GAS2: variants seen among roughly 807,000 people sequenced by gnomAD.
GAS2 encodes growth arrest-specific protein 2.
Under a neutral mutation model 37.5 loss-of-function variants are expected in GAS2, and 20 were observed. The observed-to-expected ratio is 0.53, with a 90% confidence interval of 0.37 to 0.77. The LOEUF is 0.77. Among genes scored for constraint, GAS2 ranks in the 30% least tolerant of loss-of-function variants. The pLI is 0.00. For missense variants in GAS2, 336 were observed against 373.4 expected, an observed-to-expected ratio of 0.90 and a Z score of 0.82; for synonymous variants, 144 against 132.2, an observed-to-expected ratio of 1.09 and a Z score of -0.61.
At chr11:22,808,890 T>C (rs1375313036) in intron 7 of GAS2, among the ~76,000 whole-genome samples, 3 of 152,232 alleles carry the variant, frequency 2.0e-5, no homozygotes, top group Admixed American at 2.0e-4. Context: ...CTTGTGGGAA[T>C]ATGAATATGT....
intron 3 of GAS2, among the ~76,000 whole-genome samples, chr11:22,725,808 C>T (rs1852178177): frequency 6.6e-6 from 1 of 152,102 alleles, no homozygotes. Context: ...TTCTGCTGCT[C>T]TCTTTTGACT....
intron 1 of GAS2, among the ~76,000 whole-genome samples, chr11:22,652,671 G>A (rs1041493109): frequency 2.0e-5 from 3 of 152,316 alleles, no homozygotes; most frequent in African/African-American, 7.2e-5. Context: ...TCGGGTGGGA[G>A]TGACCCGATT....
At chr11:22,770,064 G>T (rs780691506) in intron 7 of GAS2, among the ~76,000 whole-genome samples, 9 of 152,102 alleles carry the variant, frequency 5.9e-5, no homozygotes, top group Non-Finnish European at 1.3e-4. Flanking sequence ...ACCAAACACC[G>T]CATGTTCTCA....
At chr11:22,689,157 C>A (rs777267058) in intron 3 of GAS2, among the ~76,000 whole-genome samples, 2 of 151,998 alleles carry the variant, frequency 1.3e-5, no homozygotes, top group African/African-American at 4.8e-5. Context: ...GGGTGAAGGT[C>A]AAAAAACTAC....
chr11:22,677,610 A>G (rs1357873983), intron 2 of GAS2, among the ~76,000 whole-genome samples: 1 of 152,166 alleles, frequency 6.6e-6, no homozygotes, highest in East Asian at 1.9e-4. Flanking sequence ...GTCATTTACA[A>G]GGCAGCTTGA....
At chr11:22,636,681 A>G (rs895372620) in intron 1 of GAS2, among the ~76,000 whole-genome samples, 1 of 152,082 alleles carries the variant, frequency 6.6e-6, no homozygotes, top group African/African-American at 2.4e-5. Context: ...TAGAGGATCT[A>G]GTGAAAACTT....
At chr11:22,663,647 A>T (rs2133848042), upstream of GAS2, among the ~76,000 whole-genome samples, 1 of 152,306 alleles carries the variant, frequency 6.6e-6, no homozygotes, top group South Asian at 2.1e-4. Flanking sequence ...TAGATTTTTT[A>T]AATTGCATAT....
chr11:22,676,233 C>T (rs1279455998), intron 2 of GAS2, among the ~76,000 whole-genome samples: 1 of 152,076 alleles, frequency 6.6e-6, no homozygotes, highest in Non-Finnish European at 1.5e-5. Flanking sequence ...AGGGGCTACA[C>T]CTTTCAGTAA....
chr11:22,641,420 C>T (rs2133818370), intron 1 of GAS2, among the ~76,000 whole-genome samples: 1 of 150,484 alleles, frequency 6.6e-6, no homozygotes, highest in East Asian at 2.0e-4. Context: ...CATACATATA[C>T]ATGTGCCATG....
At chr11:22,808,158 T>C (rs932688483) in intron 7 of GAS2, among the ~76,000 whole-genome samples, 4 of 152,138 alleles carry the variant, frequency 2.6e-5, no homozygotes, top group African/African-American at 9.7e-5. Flanking sequence ...CGCCTCACAA[T>C]GACACAAAAT....
intron 7 of GAS2, among the ~76,000 whole-genome samples, chr11:22,783,764 G>T (rs1855684389): frequency 6.6e-6 from 1 of 152,116 alleles, no homozygotes; most frequent in East Asian, 1.9e-4. Flanking sequence ...TTTTCTTGTA[G>T]GATTTTTACA....
chr11:22,646,808 A>T (rs1848700439), intron 1 of GAS2, among the ~76,000 whole-genome samples: 3 of 149,400 alleles, frequency 2.0e-5, no homozygotes, highest in Admixed American at 2.0e-4. Context: ...ATTCTTATAA[A>T]CTTCTCTCCC....
intron 5 of GAS2, among the ~76,000 whole-genome samples, chr11:22,747,828 G>A (rs1853495006): frequency 6.6e-6 from 1 of 152,066 alleles, no homozygotes. Flanking sequence ...TGTAGTGGAT[G>A]GGTAATGAAG....
intron 1 of GAS2, among the ~76,000 whole-genome samples, chr11:22,633,427 A>G (rs895943629): frequency 6.6e-6 from 1 of 152,176 alleles, no homozygotes; most frequent in African/African-American, 2.4e-5. Context: ...ACTGTCTCCT[A>G]TGGGGCCAGA....
At chr11:22,671,614 G>C (rs866648709) in intron 1 of GAS2, among the ~76,000 whole-genome samples, 1 of 151,974 alleles carries the variant, frequency 6.6e-6, no homozygotes, top group African/African-American at 2.4e-5. Context: ...TTGTGGTTTT[G>C]AACACTTTTG....
chr11:22,741,152 GT>G (rs1308242535), intron 5 of GAS2, among the ~76,000 whole-genome samples: 7 of 152,146 alleles, frequency 4.6e-5, no homozygotes, highest in African/African-American at 1.7e-4. Flanking sequence ...GCTTCTCTGA[GT>G]TCTGAGATGG....
chr11:22,671,104 T>C (rs915057495), intron 1 of GAS2, among the ~76,000 whole-genome samples: 1 of 152,016 alleles, frequency 6.6e-6, no homozygotes, highest in Non-Finnish European at 1.5e-5. Context: ...TCTTTAAACA[T>C]GTGATATTTT....
chr11:22,626,012 GTTC>G (rs1480903863), intron 1 of GAS2: 18 of 656,578 alleles, frequency 2.7e-5, no homozygotes, highest in African/African-American at 3.6e-5. Flanking sequence ...ACACAAAGAG[GTTC>G]TTCTTAGTGG....
chr11:22,724,031 T>C (rs1160340474), intron 3 of GAS2, among the ~76,000 whole-genome samples: 1 of 151,936 alleles, frequency 6.6e-6, no homozygotes, highest in Admixed American at 6.6e-5. Context: ...TACTATCAAT[T>C]TATGCATGTC....
Sources: gnomAD v4.1 joint callset for allele counts (sites outside exome capture counted in the v4.1 genomes callset) on GRCh38, gnomAD v4.1.1 for gene constraint, MANE v1.5 for transcripts, NCBI Gene and HGNC (gene_info 2026-07-23, HGNC 2026-07-21) for gene names.